Variants in CACNA1E observed in about 807,000 individuals in gnomAD.
CACNA1E encodes the protein calcium voltage-gated channel subunit alpha1 E, also known as voltage-dependent R-type calcium channel subunit alpha-1E.
In CACNA1E, 40 loss-of-function variants were observed where a neutral mutation model predicts 259.2. That is an observed-to-expected ratio of 0.15 (90% CI 0.12 to 0.20). CACNA1E has a LOEUF of 0.20. CACNA1E is among the 10% of genes least tolerant of loss of function. The probability of loss-of-function intolerance (pLI) is 1.00; values close to 1 mark genes in which losing one functional copy is unlikely to be tolerated. For missense variants in CACNA1E, 1,874 were observed against 3,040.1 expected, an observed-to-expected ratio of 0.62 and a Z score of 9.02; for synonymous variants, 1,104 against 1,138.5, an observed-to-expected ratio of 0.97 and a Z score of 0.61.
At chr1:181,531,826 G>A (rs549699828) in intron 3 of CACNA1E, among the ~76,000 whole-genome samples, 8 of 152,290 alleles carry the variant, frequency 5.3e-5, no homozygotes, top group East Asian at 3.9e-4. Flanking sequence ...AGGCCAAGGC[G>A]GGTCCATCAC....
chr1:181,678,768 G>T (rs1649632041), intron 7 of CACNA1E, among the ~76,000 whole-genome samples: 1 of 152,138 alleles, frequency 6.6e-6, no homozygotes, highest in Non-Finnish European at 1.5e-5. Context: ...CTCAGACTTA[G>T]TTTCTCCACC....
intron 3 of CACNA1E, among the ~76,000 whole-genome samples, chr1:181,517,555 A>G (rs1206034366): frequency 6.6e-6 from 1 of 151,906 alleles, no homozygotes; most frequent in Non-Finnish European, 1.5e-5. Context: ...AGTTGGAGCC[A>G]TCTCCACATC....
At chr1:181,781,576 T>A in intron 39 of CACNA1E, 53 bp downstream of exon 39, 1 of 949,802 alleles carries the variant, frequency 1.1e-6, no homozygotes, top group Non-Finnish European at 1.7e-6. Flanking sequence ...AAATGGGATC[T>A]AGTTGTGGGG....
Position 181,323,135 on chromosome 1 carries a change from G to A in CACNA1E, c.-15+5012G>A, listed in dbSNP as rs180805740. ...TTGCTGTCTTGCAGAGAGTATCTGT[G>A]TGTATGCCTCTCTTAAGTGCCTTTT... is the stretch of plus-strand genomic sequence containing the variant. On this transcript the variant is annotated intron_variant, in intron 1 of 11. Coordinates refer to the CACNA1E transcript ENST00000524607. Among the ~76,000 whole-genome samples the A allele has an allele frequency of 1.2e-4, 18 of 152,318 alleles. No individual in the cohort carries two copies. The East Asian group carries it at 3.5e-3, about 29-fold the overall frequency.
intron 7 of CACNA1E, among the ~76,000 whole-genome samples, chr1:181,680,110 A>C: frequency 6.0e-5 from 1 of 16,568 alleles, no homozygotes; most frequent in East Asian, 1.6e-3. Context: ...TGTCTCAAAA[A>C]AAAAAAAAAA....
intron 7 of CACNA1E, among the ~76,000 whole-genome samples, chr1:181,691,465 A>G (rs1018435361): frequency 1.3e-5 from 2 of 152,140 alleles, no homozygotes; most frequent in African/African-American, 4.8e-5. Context: ...GAAATCAGAT[A>G]ATTAAGGTTA....
intron 6 of CACNA1E, among the ~76,000 whole-genome samples, chr1:181,642,458 A>G (rs369230658): frequency 2.0e-5 from 3 of 152,150 alleles, no homozygotes; most frequent in Admixed American, 6.5e-5. Context: ...ATTATCCAGC[A>G]TGTTCTTTCT....
chr1:181,494,310 A>C (rs1664557567), intron 1 of CACNA1E, among the ~76,000 whole-genome samples: 1 of 151,266 alleles, frequency 6.6e-6, no homozygotes, highest in Non-Finnish European at 1.5e-5. Context: ...TACTTTTTAA[A>C]GTGGTGTTTT....
intron 3 of CACNA1E, among the ~76,000 whole-genome samples, chr1:181,517,271 G>T (rs1273530474): frequency 6.6e-6 from 1 of 152,122 alleles, no homozygotes; most frequent in Non-Finnish European, 1.5e-5. Flanking sequence ...ATGCCCTGTG[G>T]GGGTGGCACA....
intron 6 of CACNA1E, among the ~76,000 whole-genome samples, chr1:181,583,199 A>G (rs967681372): frequency 9.9e-5 from 15 of 152,142 alleles, no homozygotes; most frequent in Non-Finnish European, 1.5e-4. Flanking sequence ...TAGTCAGCTT[A>G]GTATTATAAA....
intron 1 of CACNA1E, among the ~76,000 whole-genome samples, chr1:181,504,830 C>G (rs1236943092): frequency 6.6e-6 from 1 of 152,154 alleles, no homozygotes; most frequent in Admixed American, 6.5e-5. Flanking sequence ...ATAAGTGAAC[C>G]TATTTTTATC....
chr1:181,392,420 G>T (rs939395017), intron 1 of CACNA1E, among the ~76,000 whole-genome samples: 9 of 152,294 alleles, frequency 5.9e-5, no homozygotes, highest in African/African-American at 2.2e-4. Flanking sequence ...AAAGGGTTAA[G>T]GTTGCTTTTA....
At position 181,787,547 on chromosome 1, in the gene CACNA1E, T is replaced by C. The variant is rs570774358; in HGVS notation, c.5786+1728T>C. 1.8e-4 allele frequency among the ~76,000 whole-genome samples: 27 copies of C among 152,330 alleles called. 1 individual carries two copies. The South Asian group carries it at 2.3e-3, about 13-fold the overall frequency. On this transcript the variant is annotated intron_variant, in intron 43 of 47. Transcript: ENST00000367573. ...ATGTATTTATTGATCCATTTACTCA[T>C]TGATTTTTACCAATATTTATTAAGA...
intron 1 of CACNA1E, among the ~76,000 whole-genome samples, chr1:181,339,255 T>A (rs1416233607): frequency 6.6e-6 from 1 of 152,198 alleles, no homozygotes; most frequent in Non-Finnish European, 1.5e-5. Flanking sequence ...TTGGGCAGTG[T>A]GACCATTTTA....
chr1:181,701,184 G>A (rs1652213545), intron 7 of CACNA1E, among the ~76,000 whole-genome samples: 1 of 152,192 alleles, frequency 6.6e-6, no homozygotes, highest in African/African-American at 2.4e-5. Flanking sequence ...AGTGTACAAA[G>A]CTTCAACCTG....
At chr1:181,541,872 C>G (rs944243997) in intron 3 of CACNA1E, among the ~76,000 whole-genome samples, 7 of 152,228 alleles carry the variant, frequency 4.6e-5, no homozygotes, top group Non-Finnish European at 2.9e-5. Flanking sequence ...TCTCTATGTC[C>G]TCATGTAGGC....
At chr1:181,493,575 C>G (rs1002932719) in intron 1 of CACNA1E, among the ~76,000 whole-genome samples, 1 of 152,162 alleles carries the variant, frequency 6.6e-6, no homozygotes. Flanking sequence ...AATATAGACT[C>G]AGTCTACTTC....
At chr1:181,745,440 CA>C (rs1232585344) in intron 25 of CACNA1E, 1 of 431,440 alleles carries the variant, frequency 2.3e-6, no homozygotes, top group African/African-American at 2.1e-5. Context: ...AATCAGGGAA[CA>C]CTGCCCCATC....
intron 6 of CACNA1E, among the ~76,000 whole-genome samples, chr1:181,642,636 G>C (rs1429851273): frequency 6.6e-6 from 1 of 152,174 alleles, no homozygotes; most frequent in African/African-American, 2.4e-5. Flanking sequence ...CTGTAGAAGG[G>C]GCAAAGGGGT....
Sources: allele counts gnomAD v4.1 joint callset (sites outside exome capture counted in the v4.1 genomes callset), GRCh38; gene constraint gnomAD v4.1.1; transcripts MANE v1.5; gene names NCBI Gene and HGNC (gene_info 2026-07-23, HGNC 2026-07-21).